PPM1L: variants seen among roughly 807,000 people sequenced by gnomAD.
PPM1L encodes the protein protein phosphatase, Mg2+/Mn2+ dependent 1L.
Under a neutral mutation model 31.4 loss-of-function variants are expected in PPM1L, and 13 were observed. That is an observed-to-expected ratio of 0.41 (90% CI 0.27 to 0.66). PPM1L has a LOEUF of 0.66. Ranked by LOEUF, PPM1L falls within the 30% of genes least tolerant of loss-of-function variation. The probability of loss-of-function intolerance (pLI) is 0.29; values close to 1 mark genes in which losing one functional copy is unlikely to be tolerated. For synonymous variants in PPM1L, 184 were observed against 175.4 expected (o/e 1.05, Z -0.39); for missense variants, 326 against 453.7 (o/e 0.72, Z 2.56).
intron 2 of PPM1L, among the ~76,000 whole-genome samples, chr3:161,037,228 G>A (rs902038078): frequency 5.3e-5 from 8 of 152,108 alleles, no homozygotes; most frequent in Admixed American, 6.6e-5. Flanking sequence ...ATAAAGACTG[G>A]CTTCTGACTT....
chr3:160,997,630 C>T (rs1257600576), intron 2 of PPM1L, among the ~76,000 whole-genome samples: 1 of 152,042 alleles, frequency 6.6e-6, no homozygotes, highest in African/African-American at 2.4e-5. Flanking sequence ...GCTTGTTGTC[C>T]TCTTAAAGAT....
intron 2 of PPM1L, among the ~76,000 whole-genome samples, chr3:161,065,092 A>G (rs1275698098): frequency 6.6e-6 from 1 of 152,060 alleles, no homozygotes; most frequent in Non-Finnish European, 1.5e-5. Flanking sequence ...TGAAACTTCA[A>G]ACGATTTTGT....
At chr3:160,949,064 T>G (rs1438870484) in intron 1 of PPM1L, among the ~76,000 whole-genome samples, 5 of 152,102 alleles carry the variant, frequency 3.3e-5, no homozygotes, top group African/African-American at 9.7e-5. Context: ...TGAATCTGCG[T>G]TTTTAAAGAA....
intron 1 of PPM1L, among the ~76,000 whole-genome samples, chr3:160,866,615 C>G (rs983544992): frequency 6.6e-6 from 1 of 152,210 alleles, no homozygotes; most frequent in African/African-American, 2.4e-5. Flanking sequence ...CTTAGAACCA[C>G]TTTAATGGAG....
At chr3:160,793,152 A>C (rs1329793568) in intron 1 of PPM1L, among the ~76,000 whole-genome samples, 1 of 152,118 alleles carries the variant, frequency 6.6e-6, no homozygotes, top group Non-Finnish European at 1.5e-5. Flanking sequence ...CCTCTTTTTC[A>C]TACCTCACTA....
intron 2 of PPM1L, among the ~76,000 whole-genome samples, chr3:161,006,030 A>T (rs1717693651): frequency 6.6e-6 from 1 of 152,144 alleles, no homozygotes; most frequent in Non-Finnish European, 1.5e-5. Flanking sequence ...TAAACAAAAA[A>T]CACAGTCTCA....
intron 2 of PPM1L, among the ~76,000 whole-genome samples, chr3:161,010,245 A>G (rs1048307185): frequency 2.0e-5 from 3 of 151,994 alleles, no homozygotes; most frequent in African/African-American, 7.3e-5. Context: ...GAGTGAGAAC[A>G]TGCAGTGTTT....
intron 2 of PPM1L, among the ~76,000 whole-genome samples, chr3:161,045,683 T>C (rs983976491): frequency 1.3e-5 from 2 of 152,060 alleles, no homozygotes; most frequent in Admixed American, 6.6e-5. Flanking sequence ...AGATCTAACA[T>C]TGACACCCTA....
intron 2 of PPM1L, among the ~76,000 whole-genome samples, chr3:160,970,891 C>T (rs1716317747): frequency 6.8e-6 from 1 of 146,294 alleles, no homozygotes; most frequent in Non-Finnish European, 1.5e-5. Context: ...CTGGGGTTCA[C>T]GCCATTCTCC....
chr3:160,913,366 A>C (rs1414740979), intron 1 of PPM1L, among the ~76,000 whole-genome samples: 2 of 152,152 alleles, frequency 1.3e-5, no homozygotes, highest in Non-Finnish European at 2.9e-5. Context: ...TATATTTTTT[A>C]GTTTTGTTAG....
intron 2 of PPM1L, among the ~76,000 whole-genome samples, chr3:160,967,562 C>A (rs976848859): frequency 3.2e-5 from 4 of 125,010 alleles, no homozygotes; most frequent in African/African-American, 9.9e-5. Flanking sequence ...GAGGGGTTCA[C>A]CCCTTTGATC....
chr3:160,917,867 G>A (rs1714244327), intron 1 of PPM1L, among the ~76,000 whole-genome samples: 1 of 136,288 alleles, frequency 7.3e-6, no homozygotes, highest in African/African-American at 2.5e-5. Flanking sequence ...TTTACATTGT[G>A]ATTAATATTC....
At chr3:160,982,599 C>A (rs545384277) in intron 2 of PPM1L, among the ~76,000 whole-genome samples, 36 of 152,282 alleles carry the variant, frequency 2.4e-4, no homozygotes, top group African/African-American at 8.4e-4. Context: ...TAATGTTCGA[C>A]CCAGCAGTTG....
intron 1 of PPM1L, among the ~76,000 whole-genome samples, chr3:160,816,478 G>GT (rs5853903): frequency 0.077 from 11,252 of 145,724 alleles, 567 homozygotes; most frequent in Middle Eastern, 0.14. Flanking sequence ...GACAGAGTCT[G>GT]TTTTTTTTTT....
At chr3:161,058,364 AT>A (rs1719482155) in intron 2 of PPM1L, among the ~76,000 whole-genome samples, 2 of 151,788 alleles carry the variant, frequency 1.3e-5, no homozygotes, top group Non-Finnish European at 2.9e-5. Flanking sequence ...ACCTCAGGTA[AT>A]CTGCCTGCCT....
At chr3:160,974,436 G>A (rs569800915) in intron 2 of PPM1L, among the ~76,000 whole-genome samples, 2 of 151,730 alleles carry the variant, frequency 1.3e-5, no homozygotes, top group African/African-American at 4.8e-5. Context: ...AGATCCCTGA[G>A]GAATCGCCAC....
Position 161,070,570 on chromosome 3 carries a change from C to T in PPM1L, c.*1413C>T, listed in dbSNP as rs1006185091. Reference sequence around the variant, plus strand: ...ATCGCTAATTTATCATTTTTCCAACCTTGGTATTTTATATTATTTAGAGAA... The same window carrying T: ...ATCGCTAATTTATCATTTTTCCAACTTTGGTATTTTATATTATTTAGAGAA... On this transcript the variant is annotated 3_prime_UTR_variant, in exon 4 of 4. Coordinates refer to ENST00000498165, the MANE Select transcript of PPM1L (RefSeq NM_139245.4). 1 of 152,152 alleles carries T rather than the reference C, an allele frequency of 6.6e-6. No individual in the cohort carries two copies. Among genetic ancestry groups the T allele is most frequent in the African/African-American group, 2.4e-5 (1 of 41,416 alleles). The allele number at this position is 152,152 out of a possible 1,614,324, so 9.4% of individuals were successfully genotyped here.
At chr3:160,983,000 G>T (rs933304600) in intron 2 of PPM1L, among the ~76,000 whole-genome samples, 1 of 152,056 alleles carries the variant, frequency 6.6e-6, no homozygotes, top group South Asian at 2.1e-4. Flanking sequence ...TTGCTTTTTT[G>T]ATCTATGGTG....
At chr3:160,937,429 G>A (rs1245419639) in intron 1 of PPM1L, among the ~76,000 whole-genome samples, 3 of 152,054 alleles carry the variant, frequency 2.0e-5, no homozygotes, top group African/African-American at 7.2e-5. Flanking sequence ...GACCATCCTG[G>A]CTAACAGGGT....
Sources: allele counts gnomAD v4.1 joint callset (sites outside exome capture counted in the v4.1 genomes callset), GRCh38; gene constraint gnomAD v4.1.1; transcripts MANE v1.5; gene names NCBI Gene and HGNC (gene_info 2026-07-23, HGNC 2026-07-21).